RREB1: variants seen among roughly 807,000 people sequenced by gnomAD.
RREB1 encodes ras responsive element binding protein 1.
A neutral mutation model predicts 117.8 loss-of-function variants in RREB1; 27 were observed. The ratio of observed to expected loss-of-function variants is 0.23; its 90% confidence interval spans 0.17 to 0.32. The LOEUF (loss-of-function observed/expected upper bound fraction) is 0.32, where lower values mean the gene tolerates loss of function less well. Among genes scored for constraint, RREB1 ranks in the 10% least tolerant of loss-of-function variants. RREB1 has a pLI of 1.00. For synonymous variants in RREB1, 1,298 were observed against 1,026.7 expected (o/e 1.26, Z -5.05); for missense variants, 2,577 against 2,378.2 (o/e 1.08, Z -1.74).
chr6:7,146,588 T>C (rs1762873191), intron 1 of RREB1, among the ~76,000 whole-genome samples: 1 of 152,154 alleles, frequency 6.6e-6, no homozygotes, highest in East Asian at 1.9e-4. Context: ...AGTTTGGGTC[T>C]GATATAAGTT....
rs764324639 is a variant in RREB1, at chr6:7,210,842, C to T, written c.464C>T (p.Thr155Ile). Reference protein sequence around the residue: ...KIHEKDPNSATATAPPSPLKR... With the variant: ...KIHEKDPNSAIATAPPSPLKR... ...CATGAGAAGGACCCTAACAGTGCCA[C>T]AGCCACAGCCCCTCCATCTCCTCTG... Residue 155 changes from threonine to isoleucine, a missense_variant, in exon 7 of 13, where the codon ACA (threonine) becomes ATA (isoleucine). Coordinates refer to ENST00000379938, the MANE Select transcript of RREB1 (RefSeq NM_001003699.4). 3 of 1,614,004 alleles carry T rather than the reference C, an allele frequency of 1.9e-6. No homozygotes were observed. Among genetic ancestry groups the T allele is most frequent in the Non-Finnish European group, 2.5e-6 (3 of 1,179,854 alleles).
At chr6:7,150,962 A>G (rs1763095032) in intron 1 of RREB1, among the ~76,000 whole-genome samples, 1 of 152,244 alleles carries the variant, frequency 6.6e-6, no homozygotes, top group Non-Finnish European at 1.5e-5. Context: ...GGATTTGAAC[A>G]GCTGCTGGCC....
At position 7,121,788 on chromosome 6, in the gene RREB1, C is replaced by G. The variant is rs1581410454; in HGVS notation, c.-285+13728C>G. Among the ~76,000 whole-genome samples, 4 of 151,932 alleles carry G rather than the reference C, an allele frequency of 2.6e-5. 1 individual carries two copies. Among genetic ancestry groups the G allele is most frequent in the Admixed American group, 2.6e-4 (4 of 15,258 alleles). ...TTTTTTTTTTAATGGCAAACAAAATCTTTTTGGAACAAAACCGACAGTGAC... is the reference window on the plus strand; with the variant it reads ...TTTTTTTTTTAATGGCAAACAAAATGTTTTTGGAACAAAACCGACAGTGAC... On this transcript the variant is annotated intron_variant, in intron 1 of 12. Transcript: ENST00000379938.
At chr6:7,109,010 G>A (rs1760993329) in intron 1 of RREB1, among the ~76,000 whole-genome samples, 1 of 140,772 alleles carries the variant, frequency 7.1e-6, no homozygotes, top group African/African-American at 2.6e-5. Context: ...TGTGGAGCTA[G>A]CCTGCCTCGC....
At chr6:7,180,001 G>A (rs988736349) in intron 2 of RREB1, among the ~76,000 whole-genome samples, 1 of 152,052 alleles carries the variant, frequency 6.6e-6, no homozygotes, top group Non-Finnish European at 1.5e-5. Context: ...ATGGGGAAAT[G>A]TCATGGAAAG....
intron 10 of RREB1, among the ~76,000 whole-genome samples, chr6:7,234,618 C>T (rs1191066070): frequency 6.6e-6 from 1 of 152,214 alleles, no homozygotes; most frequent in African/African-American, 2.4e-5. Flanking sequence ...CATTCTGCCT[C>T]TTGTCCCTTA....
chr6:7,175,770 T>G (rs1764469193), intron 1 of RREB1, among the ~76,000 whole-genome samples: 1 of 152,190 alleles, frequency 6.6e-6, no homozygotes, highest in African/African-American at 2.4e-5. Flanking sequence ...GCATGTGTAA[T>G]TTGAGATGTT....
chr6:7,229,189 C>G lies in RREB1; in HGVS notation c.1090C>G (p.Leu364Val), dbSNP rs761029336. ...TGACGCCCTGGACCAGAAGGGCTTC[C>G]TGGCCTTGCTTGGCCTGCAGCACAC... is the stretch of plus-strand genomic sequence containing the variant. ...PGDALDQKGF[L>V]ALLGLQHTKD... is the part of the protein sequence containing the mutation. Residue 364 changes from leucine (L) to valine (V), a missense_variant, in exon 10 of 13, where the codon CTG (leucine) becomes GTG (valine). By Grantham distance (32) the Leu-to-Val change is conservative (BLOSUM62 1). Coordinates refer to ENST00000379938, the MANE Select transcript of RREB1 (RefSeq NM_001003699.4). This position sits in a 1 kb window ranked among gnomAD's most constrained non-coding sequence, Gnocchi z 4.5. The G allele has an allele frequency of 5.0e-6, 8 of 1,610,742 alleles. No homozygotes were observed. The South Asian group carries it at 7.7e-5, about 16-fold the overall frequency.
At chr6:7,219,161 T>C (rs1233527435) in intron 8 of RREB1, 3 of 136,706 alleles carry the variant, frequency 2.2e-5, no homozygotes, top group East Asian at 2.3e-4. Context: ...TCCCAGCTAC[T>C]GGGGAGGCTG....
At chr6:7,234,928 G>C (rs1181293594) in intron 10 of RREB1, among the ~76,000 whole-genome samples, 1 of 152,196 alleles carries the variant, frequency 6.6e-6, no homozygotes, top group Admixed American at 6.5e-5. Context: ...CGGGCAGAGT[G>C]CACCTTCCAT....
chr6:7,111,932 A>C (rs1305480963), intron 1 of RREB1, among the ~76,000 whole-genome samples: 1 of 152,326 alleles, frequency 6.6e-6, no homozygotes, highest in Admixed American at 6.5e-5. Context: ...CATGAAACAG[A>C]TTTGTATTCA....
rs563771179 is a variant in RREB1, at chr6:7,240,541, G to A, written c.3912G>A (p.Leu1304=). ...LRKHGVTTCS[L]RRNGLIPQSK... ...AACACGGAGTTACCACCTGTTCCCTGAGAAGAAACGGGCTTATCCCCCAGT... is the reference window on the plus strand; with the variant it reads ...AACACGGAGTTACCACCTGTTCCCTAAGAAGAAACGGGCTTATCCCCCAGT... Residue 1304 remains leucine, a synonymous_variant, in exon 11 of 13, where the codon CTG becomes CTA. Coordinates refer to ENST00000379938, the MANE Select transcript of RREB1 (RefSeq NM_001003699.4). The A allele has an allele frequency of 1.2e-6, 2 of 1,613,968 alleles. No individual in the cohort carries two copies. The highest frequency in any genetic ancestry group is 1.1e-5 in the South Asian group (1 of 91,068).
rs191950501 is a variant in RREB1 at position 7,251,826 on chromosome 6, G to T, written c.*2858G>T. ...CTGCTACATGTTATGTACAAAACTG[G>T]TTTATGCCACATGAACAGAGAATCA... On this transcript the variant is annotated 3_prime_UTR_variant, in exon 13 of 13. Transcript: ENST00000379938. 9.2e-4 allele frequency: 140 copies of T among 152,260 alleles called. No individual in the cohort carries two copies. Among genetic ancestry groups the T allele is most frequent in the African/African-American group, 3.3e-3 (137 of 41,542 alleles). 9.4% of individuals were successfully genotyped at this position (152,260 alleles called of 1,614,324 possible).
chr6:7,134,623 T>C (rs536221950), intron 1 of RREB1, among the ~76,000 whole-genome samples: 1 of 152,258 alleles, frequency 6.6e-6, no homozygotes, highest in African/African-American at 2.4e-5. Context: ...GTGGCACTTA[T>C]CTTTATTAAA....
intron 7 of RREB1, among the ~76,000 whole-genome samples, chr6:7,211,365 T>C (rs1460958957): frequency 6.6e-6 from 1 of 151,540 alleles, no homozygotes; most frequent in Admixed American, 6.6e-5. Context: ...GATGGATGGA[T>C]GGATGGATGG....
intron 10 of RREB1, among the ~76,000 whole-genome samples, chr6:7,233,988 C>T (rs1768155425): frequency 6.6e-6 from 1 of 152,150 alleles, no homozygotes. Context: ...GCATTTCCTT[C>T]TGCTGTGGTG....
intron 12 of RREB1, among the ~76,000 whole-genome samples, chr6:7,248,279 G>A (rs1299650657): frequency 6.6e-6 from 1 of 152,190 alleles, no homozygotes; most frequent in Non-Finnish European, 1.5e-5. Flanking sequence ...TATGTAGAGT[G>A]CCTGGGCTGA....
At chr6:7,108,904 G>A (rs970130302) in intron 1 of RREB1, among the ~76,000 whole-genome samples, 2 of 151,728 alleles carry the variant, frequency 1.3e-5, no homozygotes, top group African/African-American at 2.4e-5. Context: ...GCCCCGGGGG[G>A]CCTGGGGAGG....
intron 1 of RREB1, among the ~76,000 whole-genome samples, chr6:7,120,813 A>ATTT (rs754044532): frequency 1.4e-4 from 15 of 109,638 alleles, no homozygotes; most frequent in Admixed American, 1.9e-4. Context: ...CGCTTGGCTA[A>ATTT]TTTTTTTTTT....
Sources: gnomAD v4.1 joint callset for allele counts (sites outside exome capture counted in the v4.1 genomes callset) on GRCh38, gnomAD v4.1.1 for gene constraint, Gnocchi (gnomAD v3.1) non-coding constraint, MANE v1.5 for transcripts, NCBI Gene and HGNC (gene_info 2026-07-23, HGNC 2026-07-21) for gene names.